The following CCT2 variants were observed in gnomAD, a reference collection of about 807,000 sequenced individuals.
CCT2 encodes T-complex protein 1 subunit beta.
CCT2 carries 18 observed loss-of-function variants against 61.8 expected under a neutral mutation model. The observed-to-expected ratio is 0.29, with a 90% CI of 0.20 to 0.43. CCT2 has a LOEUF of 0.43. Ranked by LOEUF, CCT2 falls within the 20% of genes least tolerant of loss-of-function variation. The probability of loss-of-function intolerance (pLI) is 1.00; values close to 1 mark genes in which losing one functional copy is unlikely to be tolerated. For synonymous variants in CCT2, 248 were observed against 215.9 expected (o/e 1.15, Z -1.30); for missense variants, 556 against 656.9 (o/e 0.85, Z 1.68).
chr12:69,592,965 G>C lies in CCT2; in HGVS notation c.751-11G>C. ...GAAACTGATGCTCTCTTTATGCTTC[G>C]TTTGTCTTAGATATTTGGTTCCCGG... On this transcript the variant is annotated splice_polypyrimidine_tract_variant and intron_variant, in intron 8 of 15. Coordinates refer to ENST00000299300, the MANE Select transcript of CCT2 (RefSeq NM_006431.3). The C allele has an allele frequency of 6.2e-7, 1 of 1,609,992 alleles. No individual in the cohort carries two copies. Among genetic ancestry groups the C allele is most frequent in the Non-Finnish European group, 8.5e-7 (1 of 1,178,660 alleles).
At position 69,597,974 on chromosome 12, in the gene CCT2, C is replaced by G; in HGVS notation, c.1238C>G (p.Ser413Cys). ...TTGGAATTTTAATCTTTAGGCTGTT[C>G]TGAGATGTTGATGGCTCATGCTGTG... The part of the protein sequence containing the change: ...DSRTVYGGGC[S>C]EMLMAHAVTQ... Residue 413 changes from serine to cysteine, a missense_variant, in exon 13 of 16, where the codon TCT becomes TGT. Around this residue, in one of 3 missense-constraint regions of CCT2, gnomAD observed 225 missense variants for 249.8 expected, o/e 0.90. Coordinates refer to ENST00000299300, the MANE Select transcript of CCT2 (RefSeq NM_006431.3). The G allele has an allele frequency of 6.2e-7, 1 of 1,612,936 alleles. No homozygotes were observed. Among genetic ancestry groups the G allele is most frequent in the Middle Eastern group, 1.6e-4 (1 of 6,062 alleles).
Position 69,589,551 on chromosome 12 carries a change from T to A in CCT2, c.513T>A (p.Leu171=). 1.2e-6 allele frequency: 2 copies of A among 1,614,096 alleles called. No homozygotes were observed. The highest frequency in any genetic ancestry group is 8.5e-7 in the Non-Finnish European group (1 of 1,179,942). Residue 171 remains leucine, a synonymous_variant, in exon 7 of 16, where the codon CTT becomes CTA. Transcript: ENST00000299300. ...CGGGCACAACATTATCCTCAAAACT[T>A]CTTACTCATCACAAAGACCACTTTA... ...NIAGTTLSSK[L]LTHHKDHFTK...
At chr12:69,600,657 G>A (rs1193099759) in intron 15 of CCT2, among the ~76,000 whole-genome samples, 3 of 144,662 alleles carry the variant, frequency 2.1e-5, no homozygotes, top group African/African-American at 7.4e-5. Flanking sequence ...TAGCATCCTA[G>A]TCCCCCCATA....
chr12:69,587,529 C>T lies in CCT2; in HGVS notation c.169C>T (p.Arg57Ter). ...GGACAAAATTCTTCTAAGCAGTGGA[C>T]GAGATGCCTCTCTTATGGTAACCAA... Reference protein sequence around the residue: ...GMDKILLSSGRDASLMVTNDG... With the variant: ...GMDKILLSSG Residue 57 changes from arginine to a stop codon, truncating the protein, a stop_gained, in exon 4 of 16, where the codon CGA becomes TGA. Transcript: ENST00000299300. LOFTEE classifies it high-confidence loss of function. The T allele has an allele frequency of 6.2e-7, 1 of 1,611,894 alleles. No homozygotes were observed. Among genetic ancestry groups the T allele is most frequent in the Non-Finnish European group, 8.5e-7 (1 of 1,178,050 alleles).
chr12:69,599,450 T>G (rs1882086578), intron 14 of CCT2, among the ~76,000 whole-genome samples: 1 of 152,096 alleles, frequency 6.6e-6, no homozygotes, highest in South Asian at 2.1e-4. Context: ...TGCAGAGGCA[T>G]GATCTCAGCT....
At chr12:69,598,521 A>AAAGACATACAATATG in intron 14 of CCT2, 100 bp downstream of exon 14, 1 of 633,106 alleles carries the variant, frequency 1.6e-6, no homozygotes, top group Non-Finnish European at 2.6e-6. Flanking sequence ...ATAACCGTAT[A>AAAGACATACAATATG]AAAGACTCTT....
chr12:69,600,145 CT>C, intron 15 of CCT2, 141 bp downstream of exon 15: 1 of 798,762 alleles, frequency 1.3e-6, no homozygotes, highest in Non-Finnish European at 1.9e-6. Context: ...AATATCACAA[CT>C]CTTAACACTT....
intron 6 of CCT2, chr12:69,589,116 TGGGGTTTCACCATGTTG>T: frequency 2.2e-5 from 5 of 229,018 alleles, no homozygotes; most frequent in South Asian, 5.9e-5. Context: ...TTAGTGTAGA[TGGGGTTTCACCATGTTG>T]CTCAGGCTGG....
intron 2 of CCT2, 28 bp from the exon 3 acceptor site, chr12:69,586,725 C>G (rs756293245): frequency 6.6e-7 from 1 of 1,506,280 alleles, no homozygotes; most frequent in South Asian, 1.2e-5. Context: ...AAAGTTGATT[C>G]TGATAATCTC....
At chr12:69,590,649 A>AT (rs1762667956) in intron 7 of CCT2, among the ~76,000 whole-genome samples, 1 of 150,698 alleles carries the variant, frequency 6.6e-6, no homozygotes, top group South Asian at 2.1e-4. Context: ...GTCTTGATTT[A>AT]TTTTAAGAGA....
chr12:69,588,778 G>C (rs1379328741), intron 6 of CCT2, among the ~76,000 whole-genome samples: 2 of 152,220 alleles, frequency 1.3e-5, no homozygotes, highest in African/African-American at 4.8e-5. Context: ...AACCTGGGCT[G>C]CACAGCAGGT....
chr12:69,597,105 A>G (rs375275564), intron 10 of CCT2, 51 bp from the exon 11 acceptor site: 6 of 1,581,010 alleles, frequency 3.8e-6, no homozygotes, highest in Non-Finnish European at 5.2e-6. Context: ...ATTAGAAAAC[A>G]GGAATTTTAA....
chr12:69,586,824 A>G lies in CCT2; in HGVS notation c.144+6A>G. On this transcript the variant is annotated splice_donor_region_variant and intron_variant, in intron 3 of 15. Transcript: ENST00000299300. The stretch of plus-strand genomic sequence containing the variant: ...CCTTGGGACCCAAAGGCATGGTAAG[A>G]AAAATAGAAAAGTTTTATATTTTAA... 6.4e-7 allele frequency: 1 copy of G among 1,556,266 alleles called. No individual in the cohort carries two copies. Among genetic ancestry groups the G allele is most frequent in the Non-Finnish European group, 8.7e-7 (1 of 1,145,672 alleles).
chr12:69,600,709 G>T (rs1016752718), intron 15 of CCT2, among the ~76,000 whole-genome samples: 4 of 152,068 alleles, frequency 2.6e-5, no homozygotes, highest in African/African-American at 9.7e-5. Context: ...TATGATCCCT[G>T]TATAATGCTG....
chr12:69,587,829 G>T, intron 4 of CCT2, 101 bp from the exon 5 acceptor site: 1 of 980,604 alleles, frequency 1.0e-6, no homozygotes, highest in East Asian at 2.5e-5. Context: ...ATAATTTGTT[G>T]AATGAGGAAC....
chr12:69,597,504 C>G (rs1201347963), intron 11 of CCT2, 134 bp from the exon 12 acceptor site: 2 of 1,073,930 alleles, frequency 1.9e-6, no homozygotes, highest in Non-Finnish European at 2.7e-6. Context: ...CCATTATGAG[C>G]CTTGATTGTT....
rs1881703971 is a variant in CCT2, at chr12:69,587,584, G to A, written c.224G>A (p.Gly75Asp). 2 of 1,612,706 alleles carry A rather than the reference G, an allele frequency of 1.2e-6. No individual in the cohort carries two copies. Among genetic ancestry groups the A allele is most frequent in the Non-Finnish European group, 1.7e-6 (2 of 1,178,782 alleles). Residue 75 changes from glycine to aspartate, a missense_variant, in exon 4 of 16, where the codon GGT (glycine) becomes GAT (aspartate). Physicochemically the swap from Gly to Asp is moderately conservative, Grantham distance 94. Around this residue, in one of 3 missense-constraint regions of CCT2, gnomAD observed 308 missense variants for 350.6 expected, o/e 0.88. Coordinates refer to ENST00000299300, the MANE Select transcript of CCT2 (RefSeq NM_006431.3). ...NDGATILKNI[G>D]VDNPAAKVLV... is the part of the protein sequence containing the mutation. Reference sequence around the variant, plus strand: ...GGTGCCACTATTCTAAAAAACATTGGTGTTGACAATCCAGCAGCTAAAGTT... The same window carrying A: ...GGTGCCACTATTCTAAAAAACATTGATGTTGACAATCCAGCAGCTAAAGTT...
At chr12:69,596,803 A>G (rs534158788) in intron 10 of CCT2, among the ~76,000 whole-genome samples, 1 of 152,280 alleles carries the variant, frequency 6.6e-6, no homozygotes, top group Non-Finnish European at 1.5e-5. Context: ...TAACCTTGGG[A>G]AGGTAGTATT....
At chr12:69,594,575 G>A (rs1881932673) in intron 10 of CCT2, among the ~76,000 whole-genome samples, 1 of 152,168 alleles carries the variant, frequency 6.6e-6, no homozygotes, top group African/African-American at 2.4e-5. Flanking sequence ...CATGAGTTCA[G>A]GCTGGTTGCG....
Sources: allele counts gnomAD v4.1 joint callset (sites outside exome capture counted in the v4.1 genomes callset), GRCh38; gene constraint gnomAD v4.1.1; regional missense constraint gnomAD v4.1.1; transcripts MANE v1.5; gene names NCBI Gene and HGNC (gene_info 2026-07-23, HGNC 2026-07-21).